Variants in LIMA1 observed in about 807,000 individuals in gnomAD.
LIMA1 encodes the protein LIM domain and actin binding 1.
Under a neutral mutation model 62.6 loss-of-function variants are expected in LIMA1, and 52 were observed. The ratio of observed to expected loss-of-function variants is 0.83; its 90% CI spans 0.67 to 1.05. The LOEUF (loss-of-function observed/expected upper bound fraction) is 1.05. Ranked by LOEUF, LIMA1 falls within the 50% of genes least tolerant of loss-of-function variation. The pLI is 0.00. For synonymous variants in LIMA1, 302 were observed against 317.8 expected (o/e 0.95, Z 0.53); for missense variants, 780 against 902.2 (o/e 0.86, Z 1.74).
At chr12:50,192,181 T>TA (rs1157332466) in intron 9 of LIMA1, among the ~76,000 whole-genome samples, 2 of 149,390 alleles carry the variant, frequency 1.3e-5, no homozygotes, top group Admixed American at 6.7e-5. Context: ...AAAACAAAAA[T>TA]AAAAAAACCG....
intron 8 of LIMA1, among the ~76,000 whole-genome samples, chr12:50,193,003 T>TGC (rs5798131): frequency 4.7e-5 from 5 of 105,434 alleles, no homozygotes; most frequent in East Asian, 4.9e-4. Context: ...TGTGTGTGTG[T>TGC]GCGCGCGTGC....
intron 1 of LIMA1, among the ~76,000 whole-genome samples, chr12:50,278,746 T>C (rs1010988406): frequency 2.6e-5 from 4 of 152,180 alleles, no homozygotes; most frequent in Admixed American, 1.3e-4. Context: ...GGAGATTAAA[T>C]ATCCATTTAA....
chr12:50,278,627 A>G (rs1942302089), intron 1 of LIMA1, among the ~76,000 whole-genome samples: 1 of 152,218 alleles, frequency 6.6e-6, no homozygotes, highest in Non-Finnish European at 1.5e-5. Flanking sequence ...AGTCATTTGC[A>G]CAAAGATTTA....
intron 9 of LIMA1, chr12:50,189,010 A>G (rs1940693242): frequency 6.6e-6 from 1 of 152,202 alleles, no homozygotes; most frequent in Non-Finnish European, 1.5e-5. Context: ...CTACTTTGTG[A>G]GACTCCAGAT....
At chr12:50,226,517 G>A (rs1941529386) in intron 3 of LIMA1, among the ~76,000 whole-genome samples, 1 of 152,060 alleles carries the variant, frequency 6.6e-6, no homozygotes, top group Non-Finnish European at 1.5e-5. Context: ...ATTTTGAGAT[G>A]CAAGAAGGGT....
intron 5 of LIMA1, among the ~76,000 whole-genome samples, chr12:50,205,241 CTT>C (rs11336583): frequency 4.9e-4 from 68 of 139,548 alleles, no homozygotes; most frequent in Admixed American, 8.7e-4. Flanking sequence ...CCACGCTGGG[CTT>C]TTTTTTTTTT....
At chr12:50,198,367 G>A (rs949365470) in intron 7 of LIMA1, among the ~76,000 whole-genome samples, 2 of 151,998 alleles carry the variant, frequency 1.3e-5, no homozygotes, top group African/African-American at 4.8e-5. Context: ...GAATTATAGC[G>A]AGACCCTGTC....
intron 10 of LIMA1, among the ~76,000 whole-genome samples, chr12:50,178,964 A>ATTTTTTTTT (rs555323460): frequency 2.2e-5 from 2 of 92,202 alleles, no homozygotes; most frequent in East Asian, 8.9e-4. Context: ...ATATATATAT[A>ATTTTTTTTT]TATTTTTTTT....
intron 1 of LIMA1, among the ~76,000 whole-genome samples, chr12:50,265,862 A>G (rs1167952503): frequency 2.6e-5 from 4 of 152,044 alleles, no homozygotes; most frequent in African/African-American, 9.7e-5. Context: ...TTCAGTAGCC[A>G]TGGTGGAATC....
Position 50,231,671 on chromosome 12 carries a change from C to T in LIMA1, c.159G>A (p.Lys53=). Reference sequence around the variant, plus strand: ...GGAATTTCTGAATACTTACACTTCTCTTCTTCTCCATGTTTGTTTCTTCAG... The same window carrying T: ...GGAATTTCTGAATACTTACACTTCTTTTCTTCTCCATGTTTGTTTCTTCAG... The part of the protein sequence containing the change: ...KAAEETNMEK[K]RSNTENLSQH... Residue 53 remains lysine, a synonymous_variant, in exon 3 of 11, where the codon AAG becomes AAA. Transcript: ENST00000341247. The T allele has an allele frequency of 6.2e-7, 1 of 1,614,056 alleles. No homozygotes were observed. The highest frequency in any genetic ancestry group is 1.1e-5 in the South Asian group (1 of 91,076).
intron 1 of LIMA1, among the ~76,000 whole-genome samples, chr12:50,272,469 G>C (rs753200316): frequency 9.2e-5 from 14 of 151,674 alleles, no homozygotes; most frequent in Non-Finnish European, 2.1e-4. Context: ...GTGCATGCCT[G>C]TAATTCCAGC....
chr12:50,225,128 C>A (rs1214698809), intron 3 of LIMA1, among the ~76,000 whole-genome samples: 2 of 151,976 alleles, frequency 1.3e-5, no homozygotes, highest in Non-Finnish European at 2.9e-5. Context: ...TCTCGAACTC[C>A]CAGCCTCAGG....
intron 4 of LIMA1, among the ~76,000 whole-genome samples, chr12:50,214,468 T>C (rs1941310364): frequency 6.6e-6 from 1 of 152,256 alleles, no homozygotes; most frequent in Admixed American, 6.5e-5. Context: ...TTAATAGTTA[T>C]TCAAATACCT....
At chr12:50,211,100 T>C (rs1012594375) in intron 4 of LIMA1, among the ~76,000 whole-genome samples, 1 of 151,980 alleles carries the variant, frequency 6.6e-6, no homozygotes, top group African/African-American at 2.4e-5. Flanking sequence ...GGCAGGTGGA[T>C]TACCTGAGGT....
At chr12:50,265,028 C>T (rs1367100367) in intron 1 of LIMA1, among the ~76,000 whole-genome samples, 1 of 151,612 alleles carries the variant, frequency 6.6e-6, no homozygotes, top group Non-Finnish European at 1.5e-5. Context: ...TGGTGGGTGC[C>T]TGTGGTTCCA....
chr12:50,248,610 T>C (rs1246990112), intron 2 of LIMA1, 23 bp downstream of exon 2: 1 of 1,419,060 alleles, frequency 7.0e-7, no homozygotes, highest in African/African-American at 1.4e-5. Flanking sequence ...AGATGGTCCT[T>C]TTGGACCAGG....
chr12:50,242,098 A>G (rs1316139771), intron 2 of LIMA1, among the ~76,000 whole-genome samples: 1 of 151,448 alleles, frequency 6.6e-6, no homozygotes, highest in East Asian at 1.9e-4. Context: ...CAGTGTCTCA[A>G]ATTTTTCTAG....
rs761109870 is a variant in LIMA1 at position 50,177,095 on chromosome 12, C to A, written c.2249G>T (p.Arg750Leu). ...TTCATCCTCATCCTCATCATAATAC[C>A]GATTTCTCTTTATCTGTTCTTCCAC... is the stretch of plus-strand genomic sequence containing the variant. ...LSVEEQIKRN[R>L]YYDEDEDEE The change falls in exon 11 of 11, where the codon CGG (arginine) becomes CTG (leucine). Residue 750 changes from arginine to leucine, a missense_variant. Transcript: ENST00000341247. The A allele has an allele frequency of 1.3e-6, 2 of 1,593,474 alleles. No homozygotes were observed. Among genetic ancestry groups the A allele is most frequent in the Non-Finnish European group, 1.7e-6 (2 of 1,171,226 alleles).
intron 1 of LIMA1, among the ~76,000 whole-genome samples, chr12:50,274,746 A>G (rs1252821049): frequency 6.6e-6 from 1 of 152,180 alleles, no homozygotes; most frequent in Non-Finnish European, 1.5e-5. Context: ...GGCAGTGATC[A>G]GGGAAGGCCT....
Sources: gnomAD v4.1 joint callset for allele counts (sites outside exome capture counted in the v4.1 genomes callset) on GRCh38, gnomAD v4.1.1 for gene constraint, MANE v1.5 for transcripts, NCBI Gene and HGNC (gene_info 2026-07-23, HGNC 2026-07-21) for gene names.